Variants in OTULIN observed in about 807,000 individuals in gnomAD.
The protein encoded by OTULIN is OTU deubiquitinase with linear linkage specificity.
OTULIN carries 15 observed loss-of-function variants against 39.6 expected under a neutral mutation model. That is an observed-to-expected ratio of 0.38 (90% confidence interval 0.25 to 0.58). The LOEUF (loss-of-function observed/expected upper bound fraction) is 0.58. Ranked by LOEUF, OTULIN falls within the 20% of genes least tolerant of loss-of-function variation. OTULIN has a pLI of 0.66. For synonymous variants in OTULIN, 156 were observed against 170.3 expected, an observed-to-expected ratio of 0.92 and a Z score of 0.65; for missense variants, 319 against 445.9, an observed-to-expected ratio of 0.72 and a Z score of 2.56.
At chr5:14,673,523 A>G in intron 1 of OTULIN, 119 bp from the exon 2 acceptor site, 1 of 609,670 alleles carries the variant, frequency 1.6e-6, no homozygotes, top group Non-Finnish European at 2.7e-6. Flanking sequence ...GATTATCATC[A>G]TGTAAAGTGA....
At chr5:14,674,654 C>T (rs185187036) in intron 2 of OTULIN, among the ~76,000 whole-genome samples, 68 of 151,844 alleles carry the variant, frequency 4.5e-4, no homozygotes, top group African/African-American at 5.6e-4. Context: ...ACTCAGGAGG[C>T]GGAGGTGGGA....
At position 14,688,821 on chromosome 5, in the gene OTULIN, C is replaced by T. The variant is rs7706229; in HGVS notation, c.594+1175C>T. On this transcript the variant is annotated intron_variant, in intron 5 of 6. Transcript: ENST00000284274. ...GGGAGTGAACGAGAGGGCCCTTCAG[C>T]GCAACCACAGGTCACAATTTCGTTT... Among the ~76,000 whole-genome samples, 690 of 152,226 alleles carry T rather than the reference C, an allele frequency of 4.5e-3. 4 individuals are homozygous for T. The highest frequency in any genetic ancestry group is 0.016 in the African/African-American group (651 of 41,530).
rs1467770689 is a variant in OTULIN, at chr5:14,694,432, C to G, written c.*1384C>G. The G allele has an allele frequency of 6.6e-6, 1 of 152,194 alleles. No homozygotes were observed. Among genetic ancestry groups the G allele is most frequent in the East Asian group, 1.9e-4 (1 of 5,196 alleles). The allele number at this position is 152,194 out of a possible 1,614,324, so 9.4% of individuals were successfully genotyped here. A position where few individuals can be genotyped will look rare whatever the true frequency, so the allele number is the denominator to read the frequency against. The stretch of plus-strand genomic sequence containing the variant: ...CTCTTTAGGATTCTACTGGCAGCCC[C>G]TGAATTGGCTCAACGTTTGTGGAGG... On this transcript the variant is annotated 3_prime_UTR_variant, in exon 7 of 7. Transcript: ENST00000284274.
chr5:14,692,600 GT>G (rs2126340323), intron 6 of OTULIN, among the ~76,000 whole-genome samples: 1 of 149,470 alleles, frequency 6.7e-6, no homozygotes, highest in East Asian at 2.0e-4. Context: ...TTGGTTTTTT[GT>G]TTTGTTAATT....
chr5:14,690,153 C>T lies in OTULIN; in HGVS notation c.709C>T (p.Leu237=). Residue 237 remains leucine, a synonymous_variant, in exon 6 of 7, where the codon CTA becomes TTA. Transcript: ENST00000284274. This position sits in a 1 kb window ranked among gnomAD's most constrained non-coding sequence, Gnocchi z 4.5. ...CTATGAAGCTGTAAAATTTCTAATG[C>T]TAAACAGAGCCATTGAACTATATAA... ...SLYEAVKFLM[L]NRAIELYNDK... The T allele has an allele frequency of 6.2e-7, 1 of 1,614,128 alleles. No homozygotes were observed. The highest frequency in any genetic ancestry group is 8.5e-7 in the Non-Finnish European group (1 of 1,180,032).
rs1439841420 is a variant in OTULIN at position 14,699,407 on chromosome 5, C to G, written c.*6359C>G. On this transcript the variant is annotated 3_prime_UTR_variant, in exon 7 of 7. Transcript: ENST00000284274. ...AACCCAGTGGGTAGGTACTGGGCATCCATTAGACGGCAGTGCTAAGTCGGT... is the reference window on the plus strand; with the variant it reads ...AACCCAGTGGGTAGGTACTGGGCATGCATTAGACGGCAGTGCTAAGTCGGT... 1 of 152,202 alleles carries G rather than the reference C, an allele frequency of 6.6e-6. No homozygotes were observed. Among genetic ancestry groups the G allele is most frequent in the Non-Finnish European group, 1.5e-5 (1 of 68,056 alleles). The allele number at this position is 152,202 out of a possible 1,614,324, so 9.4% of individuals were successfully genotyped here. A position where few individuals can be genotyped will look rare whatever the true frequency, so the allele number is the denominator to read the frequency against.
rs1273026229 is a variant in OTULIN, at chr5:14,664,785, C to T, written c.-41C>T. On this transcript the variant is annotated 5_prime_UTR_variant, in exon 1 of 7. Transcript: ENST00000284274. ...CACCCCGACGGGAGGGGCTCCGGAT[C>T]GTTCGGAGCCGGCTGAACCCCTTCG... The T allele has an allele frequency of 1.7e-6, 2 of 1,163,244 alleles. No homozygotes were observed. Among genetic ancestry groups the T allele is most frequent in the African/African-American group, 1.6e-5 (1 of 62,172 alleles). The allele number at this position is 1,163,244 out of a possible 1,614,324, so 72.1% of individuals were successfully genotyped here.
At chr5:14,713,627 C>T in the OTULIN span, 4 of 1,614,244 alleles carry the variant, frequency 2.5e-6, no homozygotes, top group South Asian at 1.1e-5. The surrounding 1 kb of genome is among the most constrained non-coding windows in gnomAD (Gnocchi z 4.4). Flanking sequence ...AGGTTTTCTT[C>T]AGTGTCATCA....
rs542591890 is a variant in OTULIN at position 14,685,331 on chromosome 5, A to T, written c.469-2190A>T. The stretch of plus-strand genomic sequence containing the variant: ...CACAAACAAAATGACACCTAAGCTA[A>T]TTACCTACTTTATTCTTGAATATTT... On this transcript the variant is annotated intron_variant, in intron 4 of 6. Coordinates refer to ENST00000284274, the MANE Select transcript of OTULIN (RefSeq NM_138348.6). Among the ~76,000 whole-genome samples, 4 of 152,352 alleles carry T rather than the reference A, an allele frequency of 2.6e-5. No individual in the cohort carries two copies. The South Asian group carries it at 8.3e-4, about 32-fold the overall frequency.
chr5:14,677,725 TGTTA>T (rs1304598083), intron 2 of OTULIN, among the ~76,000 whole-genome samples: 1 of 152,194 alleles, frequency 6.6e-6, no homozygotes. Context: ...TGGAGAGTTC[TGTTA>T]GTTTCTGGTT....
intron 3 of OTULIN, among the ~76,000 whole-genome samples, chr5:14,679,334 A>G (rs1736186593): frequency 6.6e-6 from 1 of 152,158 alleles, no homozygotes; most frequent in African/African-American, 2.4e-5. Context: ...CAGCTCAGAC[A>G]CCATGGCCTA....
chr5:14,715,235 G>T, the OTULIN span, among the ~76,000 whole-genome samples: 3 of 152,196 alleles, frequency 2.0e-5, no homozygotes, highest in Admixed American at 2.0e-4. Flanking sequence ...GGGTTCAAGC[G>T]ATTCTCCTGC....
At chr5:14,707,560 C>T in the OTULIN span, 1 of 152,162 alleles carries the variant, frequency 6.6e-6, no homozygotes, top group South Asian at 2.1e-4. Flanking sequence ...CTGAGCTGGC[C>T]CCGCTGCGAC....
At chr5:14,716,422 G>A in the OTULIN span, among the ~76,000 whole-genome samples, 2 of 152,156 alleles carry the variant, frequency 1.3e-5, no homozygotes, top group East Asian at 1.9e-4. Context: ...AACCCGGGAG[G>A]CAGAGGTTGC....
chr5:14,711,626 C>T, the OTULIN span, among the ~76,000 whole-genome samples: 1 of 152,346 alleles, frequency 6.6e-6, no homozygotes, highest in Admixed American at 6.5e-5. Flanking sequence ...CCCGACTCCT[C>T]ACAGTCACCT....
rs1442862740 is a variant in OTULIN, at chr5:14,696,329, C to G, written c.*3281C>G. ...AAGTACAGTTGGATCATTTTCTTAT[C>G]TCCTTTTCTTAAGCAGTACTTTGCA... On this transcript the variant is annotated 3_prime_UTR_variant, in exon 7 of 7. Transcript: ENST00000284274. The G allele has an allele frequency of 1.3e-5, 2 of 152,192 alleles. No individual in the cohort carries two copies. Among genetic ancestry groups the G allele is most frequent in the African/African-American group, 4.8e-5 (2 of 41,446 alleles). The allele number at this position is 152,192 out of a possible 1,614,324, so 9.4% of individuals were successfully genotyped here.
At chr5:14,685,514 C>T (rs1736364921) in intron 4 of OTULIN, among the ~76,000 whole-genome samples, 1 of 152,158 alleles carries the variant, frequency 6.6e-6, no homozygotes, top group African/African-American at 2.4e-5. Flanking sequence ...CTTTTTTCTT[C>T]TGAATAAATT....
At position 14,690,369 on chromosome 5, in the gene OTULIN, G is replaced by C; in HGVS notation, c.864+61G>C. ...TAAAGCAGCTTTACTGATCAAACTTGATGTCACAGTTTTTGTAGGTCAGAA... is the reference window on the plus strand; with the variant it reads ...TAAAGCAGCTTTACTGATCAAACTTCATGTCACAGTTTTTGTAGGTCAGAA... On this transcript the variant is annotated intron_variant, in intron 6 of 6. Transcript: ENST00000284274. This position sits in a 1 kb window ranked among gnomAD's most constrained non-coding sequence, Gnocchi z 4.5. 6.4e-7 allele frequency: 1 copy of C among 1,563,246 alleles called. No homozygotes were observed. The highest frequency in any genetic ancestry group is 1.9e-5 in the Admixed American group (1 of 51,886).
chr5:14,714,338 G>A, the OTULIN span, among the ~76,000 whole-genome samples: 1 of 152,230 alleles, frequency 6.6e-6, no homozygotes, highest in African/African-American at 2.4e-5. Context: ...GGACAGCGGG[G>A]AACTGTGGAG....
Sources: gnomAD v4.1 joint callset for allele counts (sites outside exome capture counted in the v4.1 genomes callset) on GRCh38, gnomAD v4.1.1 for gene constraint, Gnocchi (gnomAD v3.1) non-coding constraint, MANE v1.5 for transcripts, NCBI Gene and HGNC (gene_info 2026-07-23, HGNC 2026-07-21) for gene names.